SLC25A23: variants seen among roughly 807,000 people sequenced by gnomAD.
The protein encoded by SLC25A23 is mitochondrial adenyl nucleotide antiporter SLC25A23.
SLC25A23 carries 32 observed loss-of-function variants against 53.9 expected under a neutral mutation model. The observed-to-expected ratio is 0.59, with a 90% CI of 0.45 to 0.80. The LOEUF (loss-of-function observed/expected upper bound fraction) is 0.80, where lower values mean the gene tolerates loss of function less well. Ranked by LOEUF, SLC25A23 falls within the 30% of genes least tolerant of loss-of-function variation. SLC25A23 has a pLI of 0.00. For synonymous variants in SLC25A23, 275 were observed against 264.5 expected (o/e 1.04, Z -0.38); for missense variants, 575 against 651.4 (o/e 0.88, Z 1.28).
At position 6,450,175 on chromosome 19, in the gene SLC25A23, A is replaced by G. The variant is rs146158947; in HGVS notation, c.1071+2137T>C. On this transcript the variant is annotated intron_variant, in intron 8 of 9. Coordinates refer to ENST00000301454, the MANE Select transcript of SLC25A23 (RefSeq NM_024103.3). ...GACCGGCCTCTACTCATACCTCTTA[A>G]TGGCTTCCTATTTTACTTAGAAGAC... is the stretch of plus-strand genomic sequence containing the variant. 7.9e-5 allele frequency among the ~76,000 whole-genome samples: 12 copies of G among 151,320 alleles called. No individual in the cohort carries two copies. The East Asian group carries it at 2.1e-3, about 27-fold the overall frequency.
In SLC25A23 at chr19:6,454,451, G is replaced by A. The variant is rs200108265; in HGVS notation, c.667C>T (p.Leu223=). ...CTTCGAAGCCCCCCAAGGATGTTCA[G>A]CCGGTTGGTCTTTGAGGCATGGACC... ...MQVHASKTNR[L]NILGGLRSMV... The change falls in exon 6 of 10, where the codon CTG becomes TTG. Residue 223 remains leucine (L), a synonymous_variant. Coordinates refer to ENST00000301454, the MANE Select transcript of SLC25A23 (RefSeq NM_024103.3). This position sits in a 1 kb window ranked among gnomAD's most constrained non-coding sequence, Gnocchi z 4.3. 129 of 1,614,036 alleles carry A rather than the reference G, an allele frequency of 8.0e-5. No homozygotes were observed. The highest frequency in any genetic ancestry group is 1.0e-4 in the Non-Finnish European group (118 of 1,180,044).
At chr19:6,451,663 C>A (rs1476641445) in intron 8 of SLC25A23, among the ~76,000 whole-genome samples, 1 of 152,100 alleles carries the variant, frequency 6.6e-6, no homozygotes, top group Non-Finnish European at 1.5e-5. Context: ...CTGCACCTGC[C>A]TGTGTTGATA....
At position 6,459,510 on chromosome 19, in the gene SLC25A23, C is replaced by T; in HGVS notation, c.119G>A (p.Arg40Lys). 1 of 1,595,948 alleles carries T rather than the reference C, an allele frequency of 6.3e-7. No individual in the cohort carries two copies. Among genetic ancestry groups the T allele is most frequent in the East Asian group, 2.3e-5 (1 of 43,712 alleles). Reference protein sequence around the residue: ...DVHELRQGLARLGGGNPDPGA... With the variant: ...DVHELRQGLAKLGGGNPDPGA... Reference sequence around the variant, plus strand: ...GGGGTCTGGGTTGCCCCCGCCCAGCCTGGCCAGCCCCTGGCGCAACTCGTG... The same window carrying T: ...GGGGTCTGGGTTGCCCCCGCCCAGCTTGGCCAGCCCCTGGCGCAACTCGTG... The change falls in exon 1 of 10, where the codon AGG (arginine) becomes AAG (lysine). Residue 40 changes from arginine to lysine, a missense_variant. Coordinates refer to ENST00000301454, the MANE Select transcript of SLC25A23 (RefSeq NM_024103.3). This position sits in a 1 kb window ranked among gnomAD's most constrained non-coding sequence, Gnocchi z 4.6.
chr19:6,452,996 G>A (rs564447612), intron 7 of SLC25A23, among the ~76,000 whole-genome samples: 3 of 152,350 alleles, frequency 2.0e-5, no homozygotes, highest in African/African-American at 4.8e-5. Context: ...GAAATAGAAG[G>A]AAGAGAAAGA....
chr19:6,437,455 T>A (rs1354413110), downstream of SLC25A23, among the ~76,000 whole-genome samples: 1 of 152,104 alleles, frequency 6.6e-6, no homozygotes, highest in African/African-American at 2.4e-5. Context: ...ATAATCAAAT[T>A]AAAATGAGGT....
At chr19:6,444,118 T>A (rs769507498) in intron 9 of SLC25A23, 33 bp downstream of exon 9, 3 of 1,505,768 alleles carry the variant, frequency 2.0e-6, no homozygotes, top group South Asian at 2.6e-5. Flanking sequence ...GCGATGAGAC[T>A]CCCCCTGCCC....
chr19:6,442,060 T>C lies in SLC25A23; in HGVS notation c.1322A>G (p.Asn441Ser). The change falls in exon 10 of 10, where the codon AAC (asparagine) becomes AGC (serine). Residue 441 changes from asparagine (N) to serine (S), a missense_variant. By Grantham distance (46) the Asn-to-Ser change is conservative (BLOSUM62 1). Transcript: ENST00000301454. ...MRGLYRGIAP[N>S]FMKVIPAVSI... is the part of the protein sequence containing the mutation. ...CACAGCTGGAATAACCTTCATGAAG[T>C]TGGGGGCGATCCCCCGGTAGAGGCC... The C allele has an allele frequency of 6.2e-7, 1 of 1,612,832 alleles. No individual in the cohort carries two copies.
intron 4 of SLC25A23, among the ~76,000 whole-genome samples, chr19:6,455,405 A>G (rs1311645589): frequency 6.6e-6 from 1 of 151,862 alleles, no homozygotes; most frequent in East Asian, 1.9e-4. Context: ...CCCTATAAAG[A>G]CCCCAGCAGA....
chr19:6,457,314 G>A (rs941046791), intron 3 of SLC25A23, among the ~76,000 whole-genome samples, 189 bp downstream of exon 3: 14 of 151,990 alleles, frequency 9.2e-5, no homozygotes, highest in African/African-American at 3.4e-4. Flanking sequence ...TGATCCACCT[G>A]CCTCAGCCTC....
chr19:6,446,595 C>T lies in SLC25A23; in HGVS notation c.1072-2294G>A, dbSNP rs140285602. 1.5e-3 allele frequency among the ~76,000 whole-genome samples: 223 copies of T among 152,346 alleles called. 1 individual carries two copies. The highest frequency in any genetic ancestry group is 2.5e-3 in the Non-Finnish European group (167 of 68,036). On this transcript the variant is annotated intron_variant, in intron 8 of 9. Coordinates refer to ENST00000301454, the MANE Select transcript of SLC25A23 (RefSeq NM_024103.3). ...AATTAGCATCTCCAGATGCAACCTT[C>T]AAAAGACTGACCTGGTGGATCAATA...
rs112841751 is a variant in SLC25A23 at position 6,445,178 on chromosome 19, C to T, written c.1072-877G>A. ...AGGCAGGAGTGCAATGGTGCAATCT[C>T]GGCTGACTGCAACCTCCGCCTCCTG... is the stretch of plus-strand genomic sequence containing the variant. On this transcript the variant is annotated intron_variant, in intron 8 of 9. Coordinates refer to ENST00000301454, the MANE Select transcript of SLC25A23 (RefSeq NM_024103.3). Among the ~76,000 whole-genome samples, 485 of 150,388 alleles carry T rather than the reference C, an allele frequency of 3.2e-3. 5 individuals are homozygous for T. The highest frequency in any genetic ancestry group is 0.011 in the African/African-American group (458 of 40,936).
intron 8 of SLC25A23, among the ~76,000 whole-genome samples, chr19:6,448,437 C>T (rs1023841741): frequency 2.0e-5 from 3 of 151,184 alleles, no homozygotes; most frequent in Admixed American, 1.3e-4. Context: ...GTTCTAAAGA[C>T]GGCCGGGTGT....
At chr19:6,439,715 A>T (rs975671187), downstream of SLC25A23, among the ~76,000 whole-genome samples, 2 of 152,030 alleles carry the variant, frequency 1.3e-5, no homozygotes, top group Admixed American at 6.6e-5. Flanking sequence ...CTGTAATCCC[A>T]GCTACTCAGG....
downstream of SLC25A23, chr19:6,436,093 T>C: frequency 4.9e-6 from 1 of 203,878 alleles, no homozygotes; most frequent in South Asian, 8.5e-5. Context: ...CATGTAGGTA[T>C]ATATGTATTA....
chr19:6,444,209 G>A lies in SLC25A23; in HGVS notation c.1164C>T (p.Thr388=), dbSNP rs1319083636. ...GCGGGTAACTGGCTATCTGGCCGCA[G>A]GTGCTGGATATGGTACCGCAGGCCA... ...VLLACGTISS[T]CGQIASYPLA... The change falls in exon 9 of 10, where the codon ACC becomes ACT. Residue 388 remains threonine, a synonymous_variant. Transcript: ENST00000301454. The A allele has an allele frequency of 1.2e-6, 2 of 1,603,418 alleles. No individual in the cohort carries two copies. The highest frequency in any genetic ancestry group is 1.7e-6 in the Non-Finnish European group (2 of 1,175,584).
chr19:6,443,989 A>G (rs1414253248), intron 9 of SLC25A23, among the ~76,000 whole-genome samples, 162 bp downstream of exon 9: 1 of 152,162 alleles, frequency 6.6e-6, no homozygotes, highest in Admixed American at 6.5e-5. Context: ...CCTCAGCTCC[A>G]TGAAAGTAAA....
At chr19:6,439,779 G>A (rs2092392591), downstream of SLC25A23, among the ~76,000 whole-genome samples, 1 of 152,108 alleles carries the variant, frequency 6.6e-6, no homozygotes, top group African/African-American at 2.4e-5. Context: ...GCAGTGAGCT[G>A]AGACCGTGCC....
chr19:6,437,432 G>A (rs547156408), downstream of SLC25A23, among the ~76,000 whole-genome samples: 24 of 152,234 alleles, frequency 1.6e-4, no homozygotes, highest in African/African-American at 3.9e-4. Context: ...TTGGAAATAC[G>A]GTCTTTGTAG....
intron 8 of SLC25A23, among the ~76,000 whole-genome samples, chr19:6,448,849 C>T (rs2092545112): frequency 6.6e-6 from 1 of 151,402 alleles, no homozygotes; most frequent in Non-Finnish European, 1.5e-5. Context: ...CATAGTGAAA[C>T]CCCGTCTCTA....
Sources: allele counts gnomAD v4.1 joint callset (sites outside exome capture counted in the v4.1 genomes callset), GRCh38; gene constraint gnomAD v4.1.1; non-coding constraint Gnocchi (gnomAD v3.1); transcripts MANE v1.5; gene names NCBI Gene and HGNC (gene_info 2026-07-23, HGNC 2026-07-21).